Variants in CLVS2 observed in about 807,000 individuals in gnomAD.
CLVS2 encodes the protein clavesin-2.
A neutral mutation model predicts 29.0 loss-of-function variants in CLVS2; 19 were observed. The ratio of observed to expected loss-of-function variants is 0.66; its 90% CI spans 0.46 to 0.96. CLVS2 has a LOEUF of 0.96. Among genes scored for constraint, CLVS2 ranks in the 40% least tolerant of loss-of-function variants. The pLI, the probability that CLVS2 is intolerant of heterozygous loss-of-function variation, is 0.00. For missense variants in CLVS2, 294 were observed against 404.1 expected (o/e 0.73, Z 2.34); for synonymous variants, 161 against 151.3 (o/e 1.06, Z -0.47).
intron 5 of CLVS2, among the ~76,000 whole-genome samples, chr6:123,056,441 T>C (rs1772695409): frequency 6.6e-6 from 1 of 152,146 alleles, no homozygotes; most frequent in Non-Finnish European, 1.5e-5. Flanking sequence ...TGAGTTCGAC[T>C]TTTTTTAGAT....
intron 3 of CLVS2, among the ~76,000 whole-genome samples, chr6:123,034,108 T>G (rs1775117349): frequency 6.6e-6 from 1 of 152,150 alleles, no homozygotes; most frequent in South Asian, 2.1e-4. Context: ...CATTCTTTAT[T>G]GGTAGGAATA....
At chr6:123,021,583 T>A (rs1003664195) in intron 3 of CLVS2, among the ~76,000 whole-genome samples, 3 of 152,104 alleles carry the variant, frequency 2.0e-5, no homozygotes, top group African/African-American at 4.8e-5. Flanking sequence ...GAGACCATTG[T>A]ATTATAGGTT....
At chr6:123,022,987 T>A (rs1011408518) in intron 3 of CLVS2, among the ~76,000 whole-genome samples, 1 of 152,092 alleles carries the variant, frequency 6.6e-6, no homozygotes, top group Non-Finnish European at 1.5e-5. Flanking sequence ...AAATGCTAAA[T>A]GTGGAGACAT....
chr6:123,010,839 T>C (rs765248463), intron 2 of CLVS2, 146 bp from the exon 3 acceptor site: 7 of 465,902 alleles, frequency 1.5e-5, no homozygotes, highest in Non-Finnish European at 2.6e-5. Flanking sequence ...ATTAAACCTC[T>C]TCCTAAAATA....
In CLVS2 at chr6:123,063,993, G is replaced by A. The variant is rs1407519991; in HGVS notation, c.*232G>A. ...GTGCCAAGTTGTTTGTAAATATAAT[G>A]TAATCTTCATGTCAAGTTTGTAAAT... On this transcript the variant is annotated 3_prime_UTR_variant, in exon 6 of 6. Transcript: ENST00000275162. 1 of 363,326 alleles carries A rather than the reference G, an allele frequency of 2.8e-6. No homozygotes were observed. The highest frequency in any genetic ancestry group is 5.0e-6 in the Non-Finnish European group (1 of 200,974). The allele number at this position is 363,326 out of a possible 1,614,324, so 22.5% of individuals were successfully genotyped here.
intron 3 of CLVS2, among the ~76,000 whole-genome samples, chr6:123,022,316 C>T (rs9385283): frequency 0.74 from 112,762 of 151,834 alleles, 42,380 homozygotes; most frequent in East Asian, 0.92. Flanking sequence ...TGAAAATTCA[C>T]CATAGTTTGT....
chr6:123,025,181 T>C (rs1774983169), intron 3 of CLVS2, among the ~76,000 whole-genome samples: 1 of 152,120 alleles, frequency 6.6e-6, no homozygotes, highest in African/African-American at 2.4e-5. Flanking sequence ...TAAAGGTCTG[T>C]TGGACACAGG....
chr6:123,017,229 G>A (rs1019603938), intron 3 of CLVS2, among the ~76,000 whole-genome samples: 1 of 151,972 alleles, frequency 6.6e-6, no homozygotes, highest in Non-Finnish European at 1.5e-5. Context: ...TCTTTGCAGT[G>A]GTTGTTAAGC....
intron 3 of CLVS2, among the ~76,000 whole-genome samples, chr6:123,012,342 T>C (rs1319381487): frequency 6.6e-6 from 1 of 151,996 alleles, no homozygotes; most frequent in East Asian, 1.9e-4. Flanking sequence ...TGAACAAGAT[T>C]GGTTACCACC....
intron 4 of CLVS2, among the ~76,000 whole-genome samples, chr6:123,052,579 G>T (rs1023330172): frequency 2.6e-5 from 4 of 152,174 alleles, no homozygotes; most frequent in Admixed American, 2.0e-4. Context: ...CACCTGAAAG[G>T]ATAGTAGCTG....
intron 3 of CLVS2, among the ~76,000 whole-genome samples, chr6:123,048,241 A>G (rs187232750): frequency 7.2e-4 from 109 of 151,924 alleles, no homozygotes; most frequent in Admixed American, 1.8e-3. Context: ...AGATTTTAAT[A>G]TAAATATAAA....
rs902537108 is a variant in CLVS2, at chr6:123,029,632, T to TA, written c.564+18482dup. ...TAGTAGAAGGACATGAATGCCACTG[T>TA]AAAAAAAAATAAGTTTTTTGTTTGT... On this transcript the variant is annotated intron_variant, in intron 3 of 5. Coordinates refer to ENST00000275162, the MANE Select transcript of CLVS2 (RefSeq NM_001010852.4). Among the ~76,000 whole-genome samples the TA allele has an allele frequency of 2.0e-4, 30 of 151,538 alleles. No individual in the cohort carries two copies. The South Asian group carries it at 4.0e-3, about 20-fold the overall frequency.
At chr6:123,061,011 C>T (rs1024442974) in intron 5 of CLVS2, among the ~76,000 whole-genome samples, 1 of 152,160 alleles carries the variant, frequency 6.6e-6, no homozygotes, top group Non-Finnish European at 1.5e-5. Context: ...ATAGAAACCC[C>T]TGAGATGGGC....
Position 123,023,758 on chromosome 6 carries a change from T to C in CLVS2, c.564+12599T>C, listed in dbSNP as rs540266582. ...ACAACAGCTAGGATAGGTTAGACTT[T>C]AGAATCAAGCATTCCTGGGCTTAAA... On this transcript the variant is annotated intron_variant, in intron 3 of 5. Coordinates refer to ENST00000275162, the MANE Select transcript of CLVS2 (RefSeq NM_001010852.4). Among the ~76,000 whole-genome samples, 198 of 152,252 alleles carry C rather than the reference T, an allele frequency of 1.3e-3. 3 individuals are homozygous for C. The highest frequency in any genetic ancestry group is 4.6e-3 in the African/African-American group (190 of 41,580).
chr6:123,015,103 A>C (rs1389734274), intron 3 of CLVS2, among the ~76,000 whole-genome samples: 1 of 152,076 alleles, frequency 6.6e-6, no homozygotes, highest in Non-Finnish European at 1.5e-5. Context: ...TACTCTGAAC[A>C]AACATGCAGC....
intron 3 of CLVS2, 110 bp from the exon 4 acceptor site, chr6:123,048,512 A>G (rs931731803): frequency 1.0e-5 from 7 of 674,428 alleles, no homozygotes; most frequent in African/African-American, 1.8e-5. Context: ...TCCACAGATA[A>G]TCTCATCTAA....
intron 5 of CLVS2, among the ~76,000 whole-genome samples, chr6:123,060,570 G>C (rs540287548): frequency 1.3e-5 from 2 of 152,252 alleles, no homozygotes; most frequent in East Asian, 3.9e-4. Flanking sequence ...TATTGATAGA[G>C]AGACTGAGAA....
intron 5 of CLVS2, among the ~76,000 whole-genome samples, chr6:123,061,232 G>A (rs1161567143): frequency 2.0e-5 from 3 of 152,086 alleles, no homozygotes; most frequent in Non-Finnish European, 4.4e-5. Flanking sequence ...GGGAGGCGGA[G>A]GTTGCGGTGA....
chr6:123,000,632 T>C (rs1388948152), intron 2 of CLVS2, among the ~76,000 whole-genome samples: 1 of 152,200 alleles, frequency 6.6e-6, no homozygotes, highest in African/African-American at 2.4e-5. Context: ...GTTAGGTGGA[T>C]AATGCCATGT....
Sources: gnomAD v4.1 joint callset for allele counts (sites outside exome capture counted in the v4.1 genomes callset) on GRCh38, gnomAD v4.1.1 for gene constraint, MANE v1.5 for transcripts, NCBI Gene and HGNC (gene_info 2026-07-23, HGNC 2026-07-21) for gene names.